The following SPAG16 variants were observed in gnomAD, a reference collection of about 807,000 sequenced individuals.
SPAG16 encodes the protein sperm associated antigen 16.
A neutral mutation model predicts 80.4 loss-of-function variants in SPAG16; 86 were observed. The ratio of observed to expected loss-of-function variants is 1.07; its 90% confidence interval spans 0.90 to 1.28. SPAG16 has a LOEUF of 1.28. SPAG16 is among the 50% of genes most tolerant of loss of function. The probability of loss-of-function intolerance (pLI) is 0.00; values close to 1 mark genes in which losing one functional copy is unlikely to be tolerated. For missense variants in SPAG16, 870 were observed against 765.3 expected, an observed-to-expected ratio of 1.14 and a Z score of -1.61; for synonymous variants, 294 against 265.9, an observed-to-expected ratio of 1.11 and a Z score of -1.03.
At chr2:214,044,122 G>A (rs1477566044) in intron 13 of SPAG16, among the ~76,000 whole-genome samples, 1 of 151,988 alleles carries the variant, frequency 6.6e-6, no homozygotes, top group Non-Finnish European at 1.5e-5. Flanking sequence ...TATATTTCAT[G>A]TCAACATTTT....
rs184259887 is a variant in SPAG16 at position 213,946,436 on chromosome 2, G to A, written c.1400+16291G>A. Reference sequence around the variant, plus strand: ...CCTGTTGGGGAAATTTTTGCAAATTGATTGTTAGAATGATTTAGGCTAACT... The same window carrying A: ...CCTGTTGGGGAAATTTTTGCAAATTAATTGTTAGAATGATTTAGGCTAACT... On this transcript the variant is annotated intron_variant, in intron 12 of 15. Transcript: ENST00000331683. 3.3e-5 allele frequency among the ~76,000 whole-genome samples: 5 copies of A among 152,286 alleles called. No homozygotes were observed. The East Asian group carries it at 9.7e-4, about 29-fold the overall frequency.
intron 13 of SPAG16, among the ~76,000 whole-genome samples, chr2:214,092,140 C>A (rs1356511840): frequency 3.3e-5 from 5 of 152,076 alleles, no homozygotes; most frequent in Admixed American, 1.3e-4. Flanking sequence ...TCTTGATGAG[C>A]AGTCACTTCA....
chr2:213,490,057 A>G lies in SPAG16; in HGVS notation c.1037A>G (p.Asn346Ser), dbSNP rs867412658. The change falls in exon 10 of 16, where the codon AAC (asparagine) becomes AGC (serine). Residue 346 changes from asparagine (N) to serine (S), a missense_variant. Physicochemically the swap from Asn to Ser is conservative, Grantham distance 46. Transcript: ENST00000331683. The stretch of plus-strand genomic sequence containing the variant: ...GCAAAATTTGACTACAAGCTGAAAA[A>G]CATTTTTAGACTCCATGAACTTCCA... ...SPAKFDYKLK[N>S]IFRLHELPVS... The G allele has an allele frequency of 1.2e-6, 2 of 1,605,204 alleles. No homozygotes were observed. Among genetic ancestry groups the G allele is most frequent in the Non-Finnish European group, 1.7e-6 (2 of 1,176,088 alleles).
At chr2:213,984,953 T>G (rs1420327685) in intron 12 of SPAG16, among the ~76,000 whole-genome samples, 2 of 152,156 alleles carry the variant, frequency 1.3e-5, no homozygotes, top group Admixed American at 6.6e-5. Context: ...AAAACTTCCC[T>G]GACTACCTAC....
At chr2:213,707,540 A>G (rs777438127) in intron 10 of SPAG16, among the ~76,000 whole-genome samples, 1 of 152,048 alleles carries the variant, frequency 6.6e-6, no homozygotes, top group Non-Finnish European at 1.5e-5. Flanking sequence ...CTTTTTTATA[A>G]TTATTATTTT....
intron 9 of SPAG16, among the ~76,000 whole-genome samples, chr2:213,390,914 GT>G (rs1357379756): frequency 6.6e-6 from 1 of 152,122 alleles, no homozygotes; most frequent in Admixed American, 6.5e-5. Context: ...GTATGAATGA[GT>G]TTTCAAAAGC....
intron 1 of SPAG16, among the ~76,000 whole-genome samples, chr2:213,288,659 A>G (rs1219331597): frequency 1.3e-5 from 2 of 150,512 alleles, no homozygotes; most frequent in East Asian, 3.9e-4. Flanking sequence ...TTTTTTTTTT[A>G]AAGCTAAACA....
At chr2:213,918,799 GT>G (rs1456570382) in intron 11 of SPAG16, among the ~76,000 whole-genome samples, 3 of 152,000 alleles carry the variant, frequency 2.0e-5, no homozygotes, top group Non-Finnish European at 4.4e-5. Context: ...TACTGATTCA[GT>G]TTTGTAACTC....
chr2:214,274,930 CT>C (rs913481299), intron 15 of SPAG16, among the ~76,000 whole-genome samples: 1 of 152,068 alleles, frequency 6.6e-6, no homozygotes, highest in Non-Finnish European at 1.5e-5. Flanking sequence ...TGGTCCTAAA[CT>C]TTTTTTGGTT....
chr2:213,298,935 T>A (rs10194640), intron 3 of SPAG16, among the ~76,000 whole-genome samples: 31,839 of 152,186 alleles, frequency 0.21, 4,330 homozygotes, highest in Non-Finnish European at 0.31. Flanking sequence ...CATTTTATCA[T>A]AAGCATATTA....
chr2:214,034,969 G>A (rs542965492), intron 13 of SPAG16, among the ~76,000 whole-genome samples: 17 of 152,306 alleles, frequency 1.1e-4, no homozygotes, highest in African/African-American at 3.8e-4. Context: ...GACAAGTGGA[G>A]CTGAATAATT....
intron 15 of SPAG16, among the ~76,000 whole-genome samples, chr2:214,252,523 C>G (rs1037543374): frequency 1.3e-4 from 20 of 151,852 alleles, no homozygotes; most frequent in Admixed American, 9.2e-4. Flanking sequence ...TCAACTCCCA[C>G]TTATATGTGA....
At chr2:214,259,627 A>G (rs1690987995) in intron 15 of SPAG16, among the ~76,000 whole-genome samples, 1 of 148,518 alleles carries the variant, frequency 6.7e-6, no homozygotes, top group South Asian at 2.1e-4. Context: ...CCACCTGCCT[A>G]TTTGATTTTT....
intron 12 of SPAG16, among the ~76,000 whole-genome samples, chr2:213,988,906 A>G (rs545678431): frequency 6.6e-6 from 1 of 152,206 alleles, no homozygotes; most frequent in African/African-American, 2.4e-5. Flanking sequence ...TCCTATCAAA[A>G]TTTCAGCAGT....
chr2:214,050,191 C>T (rs1157018465), intron 13 of SPAG16, among the ~76,000 whole-genome samples: 2 of 151,634 alleles, frequency 1.3e-5, no homozygotes, highest in Non-Finnish European at 2.9e-5. Context: ...TAATCTCAAT[C>T]ATGAAGATCA....
chr2:213,406,031 A>G (rs937832576), intron 9 of SPAG16, among the ~76,000 whole-genome samples: 2 of 152,214 alleles, frequency 1.3e-5, no homozygotes, highest in Admixed American at 6.5e-5. Flanking sequence ...AAATAAAATT[A>G]TAGTCAAAAG....
At chr2:213,543,237 C>A (rs1037359824) in intron 10 of SPAG16, among the ~76,000 whole-genome samples, 96 of 152,018 alleles carry the variant, frequency 6.3e-4, no homozygotes, top group African/African-American at 2.3e-3. Context: ...CATTTTATTT[C>A]TTTTTTATGA....
chr2:214,249,723 T>C (rs562913468), intron 15 of SPAG16, among the ~76,000 whole-genome samples: 5 of 144,764 alleles, frequency 3.5e-5, no homozygotes, highest in Non-Finnish European at 7.6e-5. Flanking sequence ...ATAACAGTAT[T>C]TCTAGTAGTA....
Position 214,047,244 on chromosome 2 carries a change from A to G in SPAG16, c.1527+33167A>G, listed in dbSNP as rs146445370. 7.1e-3 allele frequency among the ~76,000 whole-genome samples: 1,080 copies of G among 152,238 alleles called. 15 individuals carry two copies. Among genetic ancestry groups the G allele is most frequent in the African/African-American group, 0.024 (1,009 of 41,544 alleles). ...ATATCCAAAGCTATCCTAAGCAAAA[A>G]AGAACAAAACTGGAGGAATCACATT... is the stretch of plus-strand genomic sequence containing the variant. On this transcript the variant is annotated intron_variant, in intron 13 of 15. Coordinates refer to ENST00000331683, the MANE Select transcript of SPAG16 (RefSeq NM_024532.5).
Sources: allele counts gnomAD v4.1 joint callset (sites outside exome capture counted in the v4.1 genomes callset), GRCh38; gene constraint gnomAD v4.1.1; transcripts MANE v1.5; gene names NCBI Gene and HGNC (gene_info 2026-07-23, HGNC 2026-07-21).